MTCL1: variants seen among roughly 807,000 people sequenced by gnomAD.
MTCL1 encodes microtubule cross-linking factor 1.
Under a neutral mutation model 141.4 loss-of-function variants are expected in MTCL1, and 79 were observed. The ratio of observed to expected loss-of-function variants is 0.56; its 90% confidence interval spans 0.47 to 0.67. The LOEUF is 0.67. Ranked by LOEUF, MTCL1 falls within the 30% of genes least tolerant of loss-of-function variation. The pLI is 0.00. For missense variants in MTCL1, 2,177 were observed against 2,113.9 expected (o/e 1.03, Z -0.59); for synonymous variants, 914 against 875.8 (o/e 1.04, Z -0.77).
chr18:8,727,071 A>C (rs2096220491), intron 4 of MTCL1, among the ~76,000 whole-genome samples: 3 of 152,012 alleles, frequency 2.0e-5, no homozygotes, highest in African/African-American at 7.3e-5. Context: ...TCTGTGTCTG[A>C]GTTATTTGAC....
intron 8 of MTCL1, among the ~76,000 whole-genome samples, chr18:8,795,015 G>A (rs1425387822): frequency 6.6e-6 from 1 of 152,216 alleles, no homozygotes; most frequent in Non-Finnish European, 1.5e-5. Flanking sequence ...ACGCTAGGCT[G>A]CCCTTGTGTC....
chr18:8,827,520 G>T (rs1389674842), intron 15 of MTCL1, among the ~76,000 whole-genome samples: 2 of 152,182 alleles, frequency 1.3e-5, no homozygotes, highest in African/African-American at 2.4e-5. Context: ...TTGTTTGCAT[G>T]CTCTGAGGAC....
intron 4 of MTCL1, among the ~76,000 whole-genome samples, chr18:8,773,521 A>G (rs1373484957): frequency 1.3e-5 from 2 of 152,192 alleles, no homozygotes. Context: ...TTTTAATACT[A>G]TAAGTGGTTT....
chr18:8,714,647 C>G (rs548205379), upstream of MTCL1, among the ~76,000 whole-genome samples: 2 of 152,138 alleles, frequency 1.3e-5, no homozygotes, highest in African/African-American at 4.8e-5. Context: ...CTCACTGTCA[C>G]GAGCAGCAGA....
intron 4 of MTCL1, among the ~76,000 whole-genome samples, chr18:8,744,706 A>G (rs898556242): frequency 6.6e-6 from 1 of 151,424 alleles, no homozygotes; most frequent in East Asian, 1.9e-4. Flanking sequence ...TTTGAGTAGC[A>G]TCTGTTAGGT....
intron 4 of MTCL1, among the ~76,000 whole-genome samples, chr18:8,733,738 G>A (rs2096262886): frequency 1.3e-5 from 2 of 152,150 alleles, no homozygotes; most frequent in South Asian, 4.1e-4. Context: ...AGAACCTCAA[G>A]CATTGGCACT....
At chr18:8,809,328 GC>G in intron 11 of MTCL1, 11 of 1,251,946 alleles carry the variant, frequency 8.8e-6, no homozygotes, top group Non-Finnish European at 1.1e-5. Context: ...CTAAAATTTA[GC>G]ATGTCCTCCG....
intron 12 of MTCL1, among the ~76,000 whole-genome samples, chr18:8,815,808 A>G (rs976839855): frequency 1.3e-5 from 2 of 152,092 alleles, no homozygotes; most frequent in Non-Finnish European, 2.9e-5. Flanking sequence ...CCAGTCCTCA[A>G]GGTGGACATC....
At chr18:8,787,554 C>T (rs1266936285) in intron 7 of MTCL1, among the ~76,000 whole-genome samples, 1 of 152,270 alleles carries the variant, frequency 6.6e-6, no homozygotes, top group Non-Finnish European at 1.5e-5. Flanking sequence ...ACTAATTGTA[C>T]AGCCGCTGTC....
intron 4 of MTCL1, among the ~76,000 whole-genome samples, chr18:8,752,690 A>G (rs1429109086): frequency 6.6e-6 from 1 of 152,236 alleles, no homozygotes; most frequent in East Asian, 1.9e-4. Flanking sequence ...AAATATTGTC[A>G]TAAAGACAGT....
chr18:8,790,934 G>C lies in MTCL1; in HGVS notation c.1888-2064G>C, dbSNP rs191708793. 8.3e-3 allele frequency among the ~76,000 whole-genome samples: 1,269 copies of C among 152,306 alleles called. 16 individuals are homozygous for C. Among genetic ancestry groups the C allele is most frequent in the African/African-American group, 0.029 (1,216 of 41,556 alleles). On this transcript the variant is annotated intron_variant, in intron 7 of 16. Transcript: ENST00000359865. ...GGAGGCTGAGGCAGGAGAATCGCTT[G>C]AACCTGGGAGGTGGAGGTTGCAGTG...
At chr18:8,788,136 G>A (rs1338705416) in intron 7 of MTCL1, among the ~76,000 whole-genome samples, 1 of 152,160 alleles carries the variant, frequency 6.6e-6, no homozygotes, top group African/African-American at 2.4e-5. Flanking sequence ...CCAGCAGCCC[G>A]GCCAGAGACT....
chr18:8,719,517 A>G (rs970978342), intron 3 of MTCL1, among the ~76,000 whole-genome samples: 2 of 152,232 alleles, frequency 1.3e-5, no homozygotes, highest in East Asian at 1.9e-4. Context: ...CCACAGTACA[A>G]TATTTAAGAC....
chr18:8,819,026 G>A lies in MTCL1; in HGVS notation c.2923G>A (p.Val975Ile), dbSNP rs375780014. ...CCTCTGTGATCAAAAAGACGGCAAC[G>A]TTCGCCCCTTTCCCCACCAGGGAAG... Residue 975 changes from valine to isoleucine, a missense_variant, in exon 13 of 17, where the codon GTT (valine) becomes ATT (isoleucine). Coordinates refer to ENST00000359865, the Ensembl canonical transcript of MTCL1. The A allele has an allele frequency of 5.0e-6, 8 of 1,614,158 alleles. No homozygotes were observed. In the East Asian group the frequency reaches 6.7e-5, roughly 13 times the overall value.
chr18:8,786,486 C>T (rs577191145), intron 7 of MTCL1: 32 of 394,658 alleles, frequency 8.1e-5, no homozygotes, highest in African/African-American at 6.0e-4. Context: ...TTCCCCTTTT[C>T]AGCTCTTTGT....
At chr18:8,815,205 G>A (rs113185808) in intron 12 of MTCL1, among the ~76,000 whole-genome samples, 3,474 of 151,712 alleles carry the variant, frequency 0.023, 122 homozygotes, top group African/African-American at 0.081. Flanking sequence ...CACAATAGCA[G>A]AGACTTGGAA....
At chr18:8,766,958 G>T (rs930583110) in intron 4 of MTCL1, among the ~76,000 whole-genome samples, 2 of 152,188 alleles carry the variant, frequency 1.3e-5, no homozygotes, top group African/African-American at 4.8e-5. Context: ...AGCCCCTTCC[G>T]CAGCCTCAGA....
At chr18:8,802,266 T>C (rs1207565406) in intron 10 of MTCL1, 1 of 152,248 alleles carries the variant, frequency 6.6e-6, no homozygotes, top group African/African-American at 2.4e-5. Context: ...CTCCTGCCTC[T>C]GTCAAGGAGC....
At chr18:8,710,888 C>CTTTTTTTTTTTTTTT (rs71356255) in intron 1 of MTCL1, among the ~76,000 whole-genome samples, 3 of 80,932 alleles carry the variant, frequency 3.7e-5, no homozygotes, top group African/African-American at 1.0e-4. Flanking sequence ...TTTTTTTTTA[C>CTTTTTTTTTTTTTTT]TTTTTTTTTT....
Sources: allele counts gnomAD v4.1 joint callset (sites outside exome capture counted in the v4.1 genomes callset), GRCh38; gene constraint gnomAD v4.1.1; transcripts MANE v1.5; gene names NCBI Gene and HGNC (gene_info 2026-07-23, HGNC 2026-07-21).